KCNQ1: variants seen among roughly 807,000 people sequenced by gnomAD.
The protein encoded by KCNQ1 is potassium voltage-gated channel subfamily Q member 1, also known as potassium voltage-gated channel subfamily KQT member 1.
Under a neutral mutation model 72.4 loss-of-function variants are expected in KCNQ1, and 49 were observed. The observed-to-expected ratio is 0.68, with a 90% CI of 0.54 to 0.86. The LOEUF is 0.86. KCNQ1 is among the 40% of genes least tolerant of loss of function. The pLI is 0.00. For synonymous variants in KCNQ1, 450 were observed against 412.6 expected, an observed-to-expected ratio of 1.09 and a Z score of -1.10; for missense variants, 790 against 945.1, an observed-to-expected ratio of 0.84 and a Z score of 2.15.
At chr11:2,574,851 C>CT (rs1025512328) in intron 6 of KCNQ1, among the ~76,000 whole-genome samples, 1 of 152,252 alleles carries the variant, frequency 6.6e-6, no homozygotes, top group African/African-American at 2.4e-5. Flanking sequence ...TCCCGCCTTC[C>CT]TGGGGGCCTG....
chr11:2,837,744 G>C (rs1222067358), intron 15 of KCNQ1, among the ~76,000 whole-genome samples: 1 of 152,224 alleles, frequency 6.6e-6, no homozygotes, highest in Non-Finnish European at 1.5e-5. Context: ...GAGAGGGGTG[G>C]ATGCTCCAGG....
In KCNQ1 at chr11:2,663,548, T is replaced by C. The variant is rs1488574747; in HGVS notation, c.1514+1467T>C. Reference sequence around the variant, plus strand: ...TCCCCTCAGAGAGGGGACTGTCCCTTCTCATCCTTCTGGCTGCTTGCTTCT... The same window carrying C: ...TCCCCTCAGAGAGGGGACTGTCCCTCCTCATCCTTCTGGCTGCTTGCTTCT... On this transcript the variant is annotated intron_variant, in intron 11 of 15. Coordinates refer to ENST00000155840, the MANE Select transcript of KCNQ1 (RefSeq NM_000218.3). This position sits in a 1 kb window ranked among gnomAD's most constrained non-coding sequence, Gnocchi z 5.2. 1 of 398,504 alleles carries C rather than the reference T, an allele frequency of 2.5e-6. No homozygotes were observed. The highest frequency in any genetic ancestry group is 2.1e-5 in the African/African-American group (1 of 48,632). The allele number at this position is 398,504 out of a possible 1,614,324, so 24.7% of individuals were successfully genotyped here.
chr11:2,506,373 C>T (rs373226402), intron 1 of KCNQ1, among the ~76,000 whole-genome samples: 3 of 152,238 alleles, frequency 2.0e-5, no homozygotes, highest in African/African-American at 7.2e-5. Context: ...CATATCAGTT[C>T]GTGGGGTCCT....
intron 15 of KCNQ1, among the ~76,000 whole-genome samples, chr11:2,838,388 G>T (rs1386225364): frequency 1.3e-5 from 2 of 152,184 alleles, no homozygotes; most frequent in African/African-American, 4.8e-5. Context: ...AGGGATGGGG[G>T]CTGGGCCAGA....
chr11:2,481,363 G>A lies in KCNQ1; in HGVS notation c.386+35879G>A, dbSNP rs58736097. On this transcript the variant is annotated intron_variant, in intron 1 of 15. Transcript: ENST00000155840. This position sits in a 1 kb window ranked among gnomAD's most constrained non-coding sequence, Gnocchi z 4.6. The stretch of plus-strand genomic sequence containing the variant: ...TCTTTTTCTCGGCGTGTGTGTGTGC[G>A]CGCGTGCATGCACATGTTTCTACTT... Among the ~76,000 whole-genome samples, 380 of 152,218 alleles carry A rather than the reference G, an allele frequency of 2.5e-3. 3 individuals carry two copies. The highest frequency in any genetic ancestry group is 8.5e-3 in the African/African-American group (354 of 41,522).
chr11:2,623,165 G>A lies in KCNQ1; in HGVS notation c.1393+34311G>A, dbSNP rs1439531434. ...TCTCCTGTTCTGCCATGGTAAAGAT[G>A]TGCCTGCTTCTCCTTTGCCTTCCGC... On this transcript the variant is annotated intron_variant, in intron 10 of 15. Coordinates refer to ENST00000155840, the MANE Select transcript of KCNQ1 (RefSeq NM_000218.3). The surrounding 1 kb of genome is among the most constrained non-coding windows in gnomAD (Gnocchi z 5.2). 2 of 398,594 alleles carry A rather than the reference G, an allele frequency of 5.0e-6. No homozygotes were observed. The highest frequency in any genetic ancestry group is 2.1e-5 in the African/African-American group (1 of 48,610). 24.7% of individuals were successfully genotyped at this position (398,594 alleles called of 1,614,324 possible). A position where few individuals can be genotyped will look rare whatever the true frequency, so the allele number is the denominator to read the frequency against.
intron 11 of KCNQ1, among the ~76,000 whole-genome samples, chr11:2,719,830 C>T (rs948968664): frequency 2.6e-5 from 4 of 152,210 alleles, no homozygotes; most frequent in Non-Finnish European, 5.9e-5. Flanking sequence ...AACAAACAGC[C>T]CTGATGTAGC....
rs1014372446 is a variant in KCNQ1 at position 2,624,619 on chromosome 11, T to C, written c.1393+35765T>C. The C allele has an allele frequency of 8.8e-5, 35 of 398,468 alleles. No individual in the cohort carries two copies. The highest frequency in any genetic ancestry group is 1.1e-4 in the Non-Finnish European group (25 of 226,042). 24.7% of individuals were successfully genotyped at this position (398,468 alleles called of 1,614,324 possible). On this transcript the variant is annotated intron_variant, in intron 10 of 15. Transcript: ENST00000155840. This position sits in a 1 kb window ranked among gnomAD's most constrained non-coding sequence, Gnocchi z 4.9. ...ATTACCATCCTAACCAATTTTAGTG[T>C]ACAATTCAGTGAATGTATTAGATAC...
intron 10 of KCNQ1, among the ~76,000 whole-genome samples, chr11:2,594,104 T>C (rs915899388): frequency 2.0e-5 from 3 of 152,258 alleles, no homozygotes; most frequent in African/African-American, 7.2e-5. Flanking sequence ...ATTTCCTTTT[T>C]CCTGAAGTCT....
chr11:2,817,889 A>C lies in KCNQ1; in HGVS notation c.1795-29878A>C, dbSNP rs1847651000. On this transcript the variant is annotated intron_variant, in intron 15 of 15. Coordinates refer to ENST00000155840, the MANE Select transcript of KCNQ1 (RefSeq NM_000218.3). The surrounding 1 kb of genome is among the most constrained non-coding windows in gnomAD (Gnocchi z 6.1). ...CTCCCCTCCCCAGCCAGCACCTACC[A>C]GCTTTGCGCAAATGCTCCACATTTG... Among the ~76,000 whole-genome samples the C allele has an allele frequency of 6.6e-6, 1 of 152,170 alleles. No homozygotes were observed. Among genetic ancestry groups the C allele is most frequent in the Non-Finnish European group, 1.5e-5 (1 of 68,022 alleles).
chr11:2,676,357 C>T lies in KCNQ1; in HGVS notation c.1514+14276C>T, dbSNP rs1850294335. On this transcript the variant is annotated intron_variant, in intron 11 of 15. Coordinates refer to ENST00000155840, the MANE Select transcript of KCNQ1 (RefSeq NM_000218.3). This position sits in a 1 kb window ranked among gnomAD's most constrained non-coding sequence, Gnocchi z 4.2. ...GAAGTGCTGTTTTCTCATGGTTGGGCTTCCAGTATAATTGGAAGGAGCATA... is the reference window on the plus strand; with the variant it reads ...GAAGTGCTGTTTTCTCATGGTTGGGTTTCCAGTATAATTGGAAGGAGCATA... 1 of 398,508 alleles carries T rather than the reference C, an allele frequency of 2.5e-6. No individual in the cohort carries two copies. Among genetic ancestry groups the T allele is most frequent in the African/African-American group, 2.1e-5 (1 of 48,628 alleles). 24.7% of individuals were successfully genotyped at this position (398,508 alleles called of 1,614,324 possible). A position where few individuals can be genotyped will look rare whatever the true frequency, so the allele number is the denominator to read the frequency against.
In KCNQ1 at chr11:2,475,541, A is replaced by G. The variant is rs938601786; in HGVS notation, c.386+30057A>G. On this transcript the variant is annotated intron_variant, in intron 1 of 15. Transcript: ENST00000155840. The surrounding 1 kb of genome is among the most constrained non-coding windows in gnomAD (Gnocchi z 5.8). ...GATTTTCAAGCACACACACCTAAAGATAGCAGACATTCCATTCAACCTTCA... is the reference window on the plus strand; with the variant it reads ...GATTTTCAAGCACACACACCTAAAGGTAGCAGACATTCCATTCAACCTTCA... 6.6e-6 allele frequency among the ~76,000 whole-genome samples: 1 copy of G among 152,254 alleles called. No homozygotes were observed. The highest frequency in any genetic ancestry group is 2.4e-5 in the African/African-American group (1 of 41,456).
chr11:2,654,639 G>C lies in KCNQ1; in HGVS notation c.1394-7322G>C. 1 of 398,838 alleles carries C rather than the reference G, an allele frequency of 2.5e-6. No homozygotes were observed. 24.7% of individuals were successfully genotyped at this position (398,838 alleles called of 1,614,324 possible). On this transcript the variant is annotated intron_variant, in intron 10 of 15. Transcript: ENST00000155840. This position sits in a 1 kb window ranked among gnomAD's most constrained non-coding sequence, Gnocchi z 6.4. The stretch of plus-strand genomic sequence containing the variant: ...CTAGGAAGGGCCCAGACACTGGCGA[G>C]AGTCTCTTGAGGGCAGAGGGCAGCA...
At chr11:2,756,951 T>TAAAAAAAAAAAAAAA (rs58284663) in intron 11 of KCNQ1, among the ~76,000 whole-genome samples, 3 of 50,994 alleles carry the variant, frequency 5.9e-5, no homozygotes, top group Non-Finnish European at 7.1e-5. Flanking sequence ...AAGAGCATCT[T>TAAAAAAAAAAAAAAA]AAAAAAAAAA....
chr11:2,591,058 T>TC (rs1288501965), intron 10 of KCNQ1, among the ~76,000 whole-genome samples: 1 of 152,226 alleles, frequency 6.6e-6, no homozygotes, highest in African/African-American at 2.4e-5. Context: ...TCGGACCTCT[T>TC]CCCAGTGCCT....
chr11:2,761,142 CA>C (rs1199241524), intron 11 of KCNQ1, among the ~76,000 whole-genome samples: 2 of 152,154 alleles, frequency 1.3e-5, no homozygotes, highest in Non-Finnish European at 2.9e-5. Context: ...GATGGGGGAG[CA>C]AGAAGGGAGA....
rs780987577 is a variant in KCNQ1 at position 2,674,094 on chromosome 11, G to A, written c.1514+12013G>A. 2.3e-5 allele frequency: 9 copies of A among 398,590 alleles called. No homozygotes were observed. Among genetic ancestry groups the A allele is most frequent in the East Asian group, 2.1e-4 (6 of 28,080 alleles). 24.7% of individuals were successfully genotyped at this position (398,590 alleles called of 1,614,324 possible). ...GGGGCTTGGGCTAGGTCTCCCTGCCGGTGGGGAGGGAGGTGTGGAAGCTGG... is the reference window on the plus strand; with the variant it reads ...GGGGCTTGGGCTAGGTCTCCCTGCCAGTGGGGAGGGAGGTGTGGAAGCTGG... On this transcript the variant is annotated intron_variant, in intron 11 of 15. Coordinates refer to ENST00000155840, the MANE Select transcript of KCNQ1 (RefSeq NM_000218.3). The surrounding 1 kb of genome is among the most constrained non-coding windows in gnomAD (Gnocchi z 5.9).
Position 2,458,270 on chromosome 11 carries a change from G to A in KCNQ1, c.386+12786G>A, listed in dbSNP as rs1846224458. Among the ~76,000 whole-genome samples the A allele has an allele frequency of 6.6e-6, 1 of 152,184 alleles. No individual in the cohort carries two copies. Among genetic ancestry groups the A allele is most frequent in the Admixed American group, 6.5e-5 (1 of 15,282 alleles). On this transcript the variant is annotated intron_variant, in intron 1 of 15. Transcript: ENST00000155840. The surrounding 1 kb of genome is among the most constrained non-coding windows in gnomAD (Gnocchi z 4.6). The stretch of plus-strand genomic sequence containing the variant: ...GGGGTTCAGATCCCAAGTTCATCCT[G>A]ATACTGAGGGGCAAAACCAGTGGAC...
At position 2,446,396 on chromosome 11, in the gene KCNQ1, A is replaced by G. The variant is rs1846037499; in HGVS notation, c.386+912A>G. Among the ~76,000 whole-genome samples the G allele has an allele frequency of 6.6e-6, 1 of 152,080 alleles. No homozygotes were observed. Among genetic ancestry groups the G allele is most frequent in the Non-Finnish European group, 1.5e-5 (1 of 67,992 alleles). ...CTGGGAGCCTCTACCCAGACATCCCATGGCTGATGGCTGTGGGGCTCACCT... is the reference window on the plus strand; with the variant it reads ...CTGGGAGCCTCTACCCAGACATCCCGTGGCTGATGGCTGTGGGGCTCACCT... On this transcript the variant is annotated intron_variant, in intron 1 of 15. Transcript: ENST00000155840. This position sits in a 1 kb window ranked among gnomAD's most constrained non-coding sequence, Gnocchi z 8.8.
Sources: allele counts gnomAD v4.1 joint callset (sites outside exome capture counted in the v4.1 genomes callset), GRCh38; gene constraint gnomAD v4.1.1; non-coding constraint Gnocchi (gnomAD v3.1); transcripts MANE v1.5; gene names NCBI Gene and HGNC (gene_info 2026-07-23, HGNC 2026-07-21).